The following PTPRN2 variants were observed in gnomAD, a reference collection of about 807,000 sequenced individuals.
The protein encoded by PTPRN2 is protein tyrosine phosphatase receptor type N2, also known as receptor-type tyrosine-protein phosphatase N2.
PTPRN2 carries 74 observed loss-of-function variants against 118.8 expected under a neutral mutation model. The observed-to-expected ratio is 0.62, with a 90% CI of 0.52 to 0.76. The LOEUF (loss-of-function observed/expected upper bound fraction) is 0.76, where lower values mean the gene tolerates loss of function less well. PTPRN2 is among the 30% of genes least tolerant of loss of function. The pLI is 0.00. For synonymous variants in PTPRN2, 641 were observed against 608.0 expected (o/e 1.05, Z -0.80); for missense variants, 1,481 against 1,394.4 (o/e 1.06, Z -0.99).
chr7:157,704,089 C>T (rs1410859441), intron 12 of PTPRN2, among the ~76,000 whole-genome samples: 1 of 152,132 alleles, frequency 6.6e-6, no homozygotes, highest in Non-Finnish European at 1.5e-5. Context: ...TTAGAAGATT[C>T]CTGTTTCTAC....
At chr7:158,071,990 C>T (rs1304025311) in intron 11 of PTPRN2, among the ~76,000 whole-genome samples, 6 of 94,118 alleles carry the variant, frequency 6.4e-5, no homozygotes, top group African/African-American at 2.3e-4. Context: ...TGGAGGTGCT[C>T]GTGGTGGTGG....
At chr7:158,469,122 T>TGCACACTCACACA (rs1301344649) in intron 2 of PTPRN2, among the ~76,000 whole-genome samples, 2 of 151,764 alleles carry the variant, frequency 1.3e-5, no homozygotes, top group African/African-American at 4.8e-5. Flanking sequence ...ATCAACAGTG[T>TGCACACTCACACA]CAGGCTTTCA....
intron 10 of PTPRN2, among the ~76,000 whole-genome samples, chr7:158,082,476 C>T (rs942195319): frequency 1.3e-5 from 2 of 152,240 alleles, no homozygotes; most frequent in African/African-American, 4.8e-5. Context: ...GCCAGCTCCT[C>T]CATGTGCAAG....
intron 5 of PTPRN2, among the ~76,000 whole-genome samples, chr7:158,187,260 C>T (rs935560419): frequency 6.6e-6 from 1 of 152,180 alleles, no homozygotes; most frequent in African/African-American, 2.4e-5. Flanking sequence ...AGCATGAAGG[C>T]CCTGAAAGGC....
intron 2 of PTPRN2, among the ~76,000 whole-genome samples, chr7:158,345,921 A>G (rs564869879): frequency 6.6e-5 from 10 of 151,994 alleles, no homozygotes; most frequent in Non-Finnish European, 1.3e-4. Context: ...TCTCATGAGA[A>G]CTCCCTCACT....
At chr7:158,175,058 T>C (rs1393096789) in intron 5 of PTPRN2, among the ~76,000 whole-genome samples, 1 of 152,210 alleles carries the variant, frequency 6.6e-6, no homozygotes, top group African/African-American at 2.4e-5. Context: ...AGACTCTGGG[T>C]GGAGGAGACT....
At chr7:157,943,537 G>A (rs919066742) in intron 11 of PTPRN2, among the ~76,000 whole-genome samples, 7 of 151,884 alleles carry the variant, frequency 4.6e-5, no homozygotes, top group Non-Finnish European at 1.0e-4. Flanking sequence ...GTTCCGAGGA[G>A]GCCCTGGACA....
chr7:158,099,008 AACACATCCCGGCTGCCTCCCCTTCCT>A (rs1814936277), intron 10 of PTPRN2, among the ~76,000 whole-genome samples: 2 of 12,674 alleles, frequency 1.6e-4, no homozygotes. Flanking sequence ...TTCCTCCCCC[AACACATCCCGGCTGCCTCCCCTTCCT>A]CCCCCCAACA....
intron 2 of PTPRN2, among the ~76,000 whole-genome samples, chr7:158,461,483 G>A (rs889100153): frequency 1.0e-4 from 14 of 137,774 alleles, no homozygotes; most frequent in Admixed American, 4.5e-4. Context: ...GCAACAGAGC[G>A]AGACTCCGTC....
At chr7:157,885,934 C>T (rs73746695) in intron 12 of PTPRN2, among the ~76,000 whole-genome samples, 2,975 of 152,262 alleles carry the variant, frequency 0.02, 82 homozygotes, top group African/African-American at 0.064. Context: ...GAACACACCC[C>T]GGGAGGGGGC....
At chr7:158,348,152 G>C (rs895955633) in intron 2 of PTPRN2, among the ~76,000 whole-genome samples, 2 of 152,082 alleles carry the variant, frequency 1.3e-5, no homozygotes, top group African/African-American at 4.8e-5. Flanking sequence ...CCTGTGAACA[G>C]GAGTGAACAG....
chr7:158,572,755 C>A lies in PTPRN2; in HGVS notation c.112+14803G>T, dbSNP rs568104829. ...CTTAGTCCACCACTACTGGACACAG[C>A]ACTCAGAGATCTTTGCCACTTAAAT... On this transcript the variant is annotated intron_variant, in intron 1 of 22. Coordinates refer to ENST00000389418, the MANE Select transcript of PTPRN2 (RefSeq NM_002847.5). 2.6e-4 allele frequency among the ~76,000 whole-genome samples: 39 copies of A among 152,322 alleles called. No homozygotes were observed. The South Asian group carries it at 8.1e-3, about 32-fold the overall frequency.
At chr7:158,397,434 C>T (rs890780352) in intron 2 of PTPRN2, among the ~76,000 whole-genome samples, 2 of 152,184 alleles carry the variant, frequency 1.3e-5, no homozygotes, top group Non-Finnish European at 2.9e-5. Context: ...GGCCAGGGGA[C>T]AGGGCTGACA....
chr7:158,296,188 A>G (rs1800487130), intron 3 of PTPRN2, among the ~76,000 whole-genome samples: 1 of 151,978 alleles, frequency 6.6e-6, no homozygotes, highest in Non-Finnish European at 1.5e-5. Flanking sequence ...AAACCCTGAG[A>G]CCCTAGCAGG....
At chr7:157,747,671 T>C (rs1371313151) in intron 12 of PTPRN2, among the ~76,000 whole-genome samples, 8 of 128,394 alleles carry the variant, frequency 6.2e-5, no homozygotes, top group African/African-American at 1.2e-4. Flanking sequence ...CCCTGAGCTG[T>C]GGGCTGTTGA....
rs1797559485 is a variant in PTPRN2 at position 157,903,068 on chromosome 7, A to G, written c.1724-4331T>C. Among the ~76,000 whole-genome samples, 1 of 152,192 alleles carries G rather than the reference A, an allele frequency of 6.6e-6. No homozygotes were observed. The highest frequency in any genetic ancestry group is 2.4e-5 in the African/African-American group (1 of 41,434). On this transcript the variant is annotated intron_variant, in intron 11 of 22. Transcript: ENST00000389418. The surrounding 1 kb of genome is among the most constrained non-coding windows in gnomAD (Gnocchi z 4.2). The stretch of plus-strand genomic sequence containing the variant: ...TAAGCAAATTAACGCAAAAGCAGAA[A>G]GCCACACGCTGCCACACACTCTCAC...
chr7:158,521,772 TCC>T (rs1824096018), intron 1 of PTPRN2, among the ~76,000 whole-genome samples: 1 of 73,168 alleles, frequency 1.4e-5, no homozygotes, highest in Non-Finnish European at 2.7e-5. Flanking sequence ...GGGAGGGAGG[TCC>T]ACGTCACAAT....
chr7:158,585,217 T>C (rs1458352302), intron 1 of PTPRN2, among the ~76,000 whole-genome samples: 1 of 152,184 alleles, frequency 6.6e-6, no homozygotes, highest in Non-Finnish European at 1.5e-5. Context: ...GATTGTGTTC[T>C]GACAAAATGG....
intron 2 of PTPRN2, among the ~76,000 whole-genome samples, chr7:158,317,264 T>C (rs192503810): frequency 6.6e-6 from 1 of 152,206 alleles, no homozygotes; most frequent in East Asian, 1.9e-4. Context: ...GACAACTCAG[T>C]GACAACAAAA....
Sources: gnomAD v4.1 joint callset for allele counts (sites outside exome capture counted in the v4.1 genomes callset) on GRCh38, gnomAD v4.1.1 for gene constraint, Gnocchi (gnomAD v3.1) non-coding constraint, MANE v1.5 for transcripts, NCBI Gene and HGNC (gene_info 2026-07-23, HGNC 2026-07-21) for gene names.